The following FGF14 variants were observed in gnomAD, a reference collection of about 807,000 sequenced individuals.
FGF14 encodes the protein fibroblast growth factor homologous factor 4.
In FGF14, 5 loss-of-function variants were observed where a neutral mutation model predicts 25.5. The observed-to-expected ratio is 0.20, with a 90% CI of 0.10 to 0.41. The LOEUF is 0.41. FGF14 is among the 10% of genes least tolerant of loss of function. The pLI is 1.00. For synonymous variants in FGF14, 138 were observed against 118.3 expected, an observed-to-expected ratio of 1.17 and a Z score of -1.08; for missense variants, 222 against 320.1, an observed-to-expected ratio of 0.69 and a Z score of 2.34.
chr13:102,001,747 G>T (rs1436233172), intron 1 of FGF14, among the ~76,000 whole-genome samples: 1 of 152,162 alleles, frequency 6.6e-6, no homozygotes, highest in East Asian at 1.9e-4. Flanking sequence ...CGACTGTCAA[G>T]GAAATAACAT....
At chr13:102,039,629 A>G (rs1325033905) in intron 1 of FGF14, among the ~76,000 whole-genome samples, 3 of 152,158 alleles carry the variant, frequency 2.0e-5, no homozygotes, top group South Asian at 2.1e-4. Context: ...TCTTATAAAG[A>G]TAACAGTCAT....
chr13:101,998,827 G>A (rs760735909), intron 1 of FGF14, among the ~76,000 whole-genome samples: 3 of 152,212 alleles, frequency 2.0e-5, no homozygotes, highest in Non-Finnish European at 4.4e-5. Context: ...CCCTAGGGGT[G>A]AGTGGTGAAG....
chr13:101,866,528 T>G (rs1234719364), intron 3 of FGF14, among the ~76,000 whole-genome samples: 1 of 152,158 alleles, frequency 6.6e-6, no homozygotes, highest in East Asian at 1.9e-4. Context: ...ACAGGTAAAG[T>G]GCTTAGAACA....
chr13:101,952,909 C>T (rs1490277378), intron 1 of FGF14, among the ~76,000 whole-genome samples: 1 of 152,128 alleles, frequency 6.6e-6, no homozygotes, highest in Non-Finnish European at 1.5e-5. Context: ...TGGTAGGCGC[C>T]TGTGATCCTA....
chr13:102,046,360 A>C (rs1378794803), intron 1 of FGF14, among the ~76,000 whole-genome samples: 1 of 152,170 alleles, frequency 6.6e-6, no homozygotes, highest in Non-Finnish European at 1.5e-5. Context: ...ATTAATGCTT[A>C]TTGTCAGAAA....
chr13:102,341,771 A>G (rs2056959642), intron 1 of FGF14, among the ~76,000 whole-genome samples: 1 of 152,226 alleles, frequency 6.6e-6, no homozygotes, highest in Non-Finnish European at 1.5e-5. Context: ...AAAGCCATCA[A>G]GCAACAATAG....
At chr13:102,332,935 T>C (rs2056677842) in intron 1 of FGF14, among the ~76,000 whole-genome samples, 2 of 152,172 alleles carry the variant, frequency 1.3e-5, no homozygotes, top group South Asian at 4.1e-4. Context: ...TTTTTATTCC[T>C]TGATGTGACT....
intron 3 of FGF14, among the ~76,000 whole-genome samples, chr13:101,764,960 A>G (rs2038286537): frequency 6.6e-6 from 1 of 152,226 alleles, no homozygotes; most frequent in Non-Finnish European, 1.5e-5. Flanking sequence ...CAAGGACTGT[A>G]ACTTCCCCCA....
intron 1 of FGF14, among the ~76,000 whole-genome samples, chr13:102,057,774 A>C (rs1428310201): frequency 6.6e-6 from 1 of 152,170 alleles, no homozygotes; most frequent in African/African-American, 2.4e-5. Flanking sequence ...AATAAATGAT[A>C]AATAAAGTGA....
chr13:102,322,253 G>A (rs1260129875), intron 1 of FGF14, among the ~76,000 whole-genome samples: 3 of 152,180 alleles, frequency 2.0e-5, no homozygotes, highest in Non-Finnish European at 1.5e-5. Flanking sequence ...TTGCCGTGAA[G>A]CATCTTTAAA....
chr13:102,392,051 A>G (rs1397843622), intron 1 of FGF14, among the ~76,000 whole-genome samples: 1 of 152,240 alleles, frequency 6.6e-6, no homozygotes, highest in Non-Finnish European at 1.5e-5. Context: ...CAGGAAGTGG[A>G]AAGAACAGAT....
intron 3 of FGF14, among the ~76,000 whole-genome samples, chr13:101,833,461 A>T (rs1313386031): frequency 6.6e-6 from 1 of 152,054 alleles, no homozygotes; most frequent in Non-Finnish European, 1.5e-5. Flanking sequence ...AGTTGAGGAA[A>T]TAGGGTTCTT....
intron 1 of FGF14, among the ~76,000 whole-genome samples, chr13:102,270,459 T>C (rs1402554315): frequency 6.6e-6 from 1 of 152,200 alleles, no homozygotes; most frequent in African/African-American, 2.4e-5. Flanking sequence ...GCTGTTTTCA[T>C]TACTGTAACA....
At chr13:101,858,822 T>C (rs1293181517) in intron 3 of FGF14, among the ~76,000 whole-genome samples, 1 of 152,246 alleles carries the variant, frequency 6.6e-6, no homozygotes, top group East Asian at 1.9e-4. Flanking sequence ...CTTTTTCTAA[T>C]TATAATTATT....
At position 102,370,807 on chromosome 13, in the gene FGF14, T is replaced by C. The variant is rs550602812; in HGVS notation, c.208+30664A>G. On this transcript the variant is annotated intron_variant, in intron 1 of 4. Coordinates refer to the FGF14 transcript ENST00000376131. ...TGTTTCTTCTTAAATTGAACAAGAA[T>C]GTATTGAGTACTGTTTGTTAGGAGA... Among the ~76,000 whole-genome samples the C allele has an allele frequency of 2.0e-3, 309 of 152,220 alleles. 2 individuals are homozygous for C. Among genetic ancestry groups the C allele is most frequent in the Admixed American group, 5.2e-3 (80 of 15,292 alleles).
rs145710780 is a variant in FGF14 at position 101,896,991 on chromosome 13, G to A, written c.193+19462C>T. 5.1e-3 allele frequency among the ~76,000 whole-genome samples: 782 copies of A among 152,272 alleles called. 5 individuals carry two copies. The highest frequency in any genetic ancestry group is 0.018 in the African/African-American group (746 of 41,562). ...GAGACAAATAAGGATAAGAAAGATG[G>A]AAGTAAGTAACAAATAACTTCTATC... is the stretch of plus-strand genomic sequence containing the variant. On this transcript the variant is annotated intron_variant, in intron 1 of 4. Transcript: ENST00000376143.
chr13:101,932,174 G>A (rs1349844321), intron 1 of FGF14, among the ~76,000 whole-genome samples: 1 of 152,182 alleles, frequency 6.6e-6, no homozygotes, highest in African/African-American at 2.4e-5. Context: ...GTGGAAGACA[G>A]TCTTGCCTTT....
At chr13:102,120,593 T>G (rs1048593080) in intron 1 of FGF14, among the ~76,000 whole-genome samples, 3 of 152,138 alleles carry the variant, frequency 2.0e-5, no homozygotes, top group African/African-American at 7.2e-5. Flanking sequence ...AAAGACGTCA[T>G]CCAGAACCCT....
At chr13:102,232,312 C>T (rs1334637139) in intron 1 of FGF14, among the ~76,000 whole-genome samples, 46 of 152,148 alleles carry the variant, frequency 3.0e-4, no homozygotes, top group Admixed American at 3.0e-3. Flanking sequence ...AAATAACTTT[C>T]ACATCCACAT....
Sources: allele counts gnomAD v4.1 joint callset (sites outside exome capture counted in the v4.1 genomes callset), GRCh38; gene constraint gnomAD v4.1.1; transcripts MANE v1.5; gene names NCBI Gene and HGNC (gene_info 2026-07-23, HGNC 2026-07-21).